Variants in DDX50 observed in about 807,000 individuals in gnomAD.
DDX50 encodes ATP-dependent RNA helicase DDX50.
DDX50 carries 56 observed loss-of-function variants against 94.8 expected under a neutral mutation model. That is an observed-to-expected ratio of 0.59 (90% CI 0.48 to 0.74). The LOEUF (loss-of-function observed/expected upper bound fraction) is 0.74. Among genes scored for constraint, DDX50 ranks in the 30% least tolerant of loss-of-function variants. The pLI, the probability that DDX50 is intolerant of heterozygous loss-of-function variation, is 0.00. For synonymous variants in DDX50, 264 were observed against 295.4 expected (o/e 0.89, Z 1.09); for missense variants, 713 against 881.2 (o/e 0.81, Z 2.42).
chr10:68,911,750 A>G (rs912101503), intron 4 of DDX50: 4 of 152,248 alleles, frequency 2.6e-5, no homozygotes, highest in African/African-American at 9.7e-5. Flanking sequence ...TGTGCTGCTG[A>G]AGTGAGCACA....
rs576110195 is a variant in DDX50, at chr10:68,935,168, G to A, written c.1521+250G>A. Among the ~76,000 whole-genome samples, 3 of 131,120 alleles carry A rather than the reference G, an allele frequency of 2.3e-5. No individual in the cohort carries two copies. In the South Asian group the frequency reaches 7.9e-4, roughly 35 times the overall value. The allele number at this position is 131,120 out of a possible 152,430, so 86.0% of individuals were successfully genotyped here. ...CTCTCTTCATACTAAAATCAGAAGTGCATTGTGATTTCAGTACTTCTTAGT... is the reference window on the plus strand; with the variant it reads ...CTCTCTTCATACTAAAATCAGAAGTACATTGTGATTTCAGTACTTCTTAGT... On this transcript the variant is annotated intron_variant, in intron 10 of 14. Transcript: ENST00000373585.
In DDX50 at chr10:68,934,475, AT is replaced by A; in HGVS notation, c.1401+121del. On this transcript the variant is annotated intron_variant, in intron 9 of 14. Coordinates refer to ENST00000373585, the MANE Select transcript of DDX50 (RefSeq NM_024045.2). This position sits in a 1 kb window ranked among gnomAD's most constrained non-coding sequence, Gnocchi z 4.0. Reference sequence around the variant, plus strand: ...ATGTCATCTCTTCTTGCTCTTAGCCATTTTTTGTTAGTGTGCTATTAAATTT... The same window carrying A: ...ATGTCATCTCTTCTTGCTCTTAGCCATTTTTGTTAGTGTGCTATTAAATTT... 3 of 1,401,382 alleles carry A rather than the reference AT, an allele frequency of 2.1e-6. No homozygotes were observed. Among genetic ancestry groups the A allele is most frequent in the Non-Finnish European group, 1.9e-6 (2 of 1,028,848 alleles). 86.8% of individuals were successfully genotyped at this position (1,401,382 alleles called of 1,614,324 possible). A position where few individuals can be genotyped will look rare whatever the true frequency, so the allele number is the denominator to read the frequency against.
At chr10:68,940,905 CTAA>C (rs1278119804) in intron 12 of DDX50, among the ~76,000 whole-genome samples, 152 bp from the exon 13 acceptor site, 9 of 152,156 alleles carry the variant, frequency 5.9e-5, no homozygotes, top group African/African-American at 1.7e-4. Context: ...CACTATTCTT[CTAA>C]TAATGTAGTT....
chr10:68,924,835 A>T (rs993255807), intron 8 of DDX50, among the ~76,000 whole-genome samples: 23 of 151,932 alleles, frequency 1.5e-4, no homozygotes, highest in African/African-American at 5.5e-4. Context: ...ATTGGCTGTT[A>T]ATTTAGAAAG....
chr10:68,905,185 GGGATTATAGGC>G, intron 1 of DDX50, among the ~76,000 whole-genome samples: 1 of 152,166 alleles, frequency 6.6e-6, no homozygotes, highest in Non-Finnish European at 1.5e-5. Context: ...CCAGAGTGCT[GGGATTATAGGC>G]GTGAACCACC....
rs1040258625 is a variant in DDX50, at chr10:68,934,558, G to A, written c.1401+198G>A. On this transcript the variant is annotated intron_variant, in intron 9 of 14. Transcript: ENST00000373585. This position sits in a 1 kb window ranked among gnomAD's most constrained non-coding sequence, Gnocchi z 4.0. ...CTCTATTGTTTGTATTTGAAGCATG[G>A]AGCAACAAAATCAGGCAGAGAATTA... is the stretch of plus-strand genomic sequence containing the variant. 5.3e-5 allele frequency among the ~76,000 whole-genome samples: 8 copies of A among 152,034 alleles called. No individual in the cohort carries two copies. Among genetic ancestry groups the A allele is most frequent in the Admixed American group, 4.6e-4 (7 of 15,264 alleles).
chr10:68,909,920 C>T (rs1311267050), intron 2 of DDX50, among the ~76,000 whole-genome samples: 1 of 152,158 alleles, frequency 6.6e-6, no homozygotes, highest in Admixed American at 6.5e-5. Context: ...CCTTGGCCTC[C>T]CAAAGTGCTG....
intron 7 of DDX50, among the ~76,000 whole-genome samples, chr10:68,917,515 A>G (rs1342158150): frequency 3.9e-5 from 6 of 152,064 alleles, no homozygotes; most frequent in Non-Finnish European, 7.4e-5. Context: ...TGTTTTGCTG[A>G]TTTGCATCCC....
intron 12 of DDX50, among the ~76,000 whole-genome samples, chr10:68,939,736 T>C (rs1842511832): frequency 6.6e-6 from 1 of 152,190 alleles, no homozygotes; most frequent in African/African-American, 2.4e-5. Flanking sequence ...CACTCTAAAA[T>C]AGCTTACTCC....
At chr10:68,940,011 A>G (rs564377858) in intron 12 of DDX50, among the ~76,000 whole-genome samples, 44 of 152,266 alleles carry the variant, frequency 2.9e-4, no homozygotes, top group African/African-American at 9.6e-4. Flanking sequence ...ATGCATCCCC[A>G]TATCTTCTTA....
chr10:68,936,474 G>A (rs190620757), intron 11 of DDX50, among the ~76,000 whole-genome samples: 2 of 97,456 alleles, frequency 2.1e-5, no homozygotes, highest in East Asian at 7.3e-4. Context: ...GGGCGACAGA[G>A]CAAGACTCTG....
At chr10:68,945,820 A>G (rs1168967485) in intron 14 of DDX50, among the ~76,000 whole-genome samples, 18 of 152,168 alleles carry the variant, frequency 1.2e-4, no homozygotes. Flanking sequence ...TTTGCTTGTC[A>G]GTATACCTGC....
chr10:68,910,938 G>T (rs1357146607), intron 3 of DDX50, 130 bp from the exon 4 acceptor site: 7 of 612,084 alleles, frequency 1.1e-5, no homozygotes, highest in Non-Finnish European at 1.6e-5. Context: ...TTTGTGGTAG[G>T]AATAACTGTG....
intron 8 of DDX50, among the ~76,000 whole-genome samples, chr10:68,922,857 G>A (rs1329088008): frequency 3.5e-5 from 5 of 142,420 alleles, no homozygotes; most frequent in African/African-American, 1.0e-4. Context: ...GTACAATCTC[G>A]GCTCACTGCA....
In DDX50 at chr10:68,901,434, T is replaced by C; in HGVS notation, c.50T>C (p.Leu17Ser). ...WGDIMELEAP[L>S]EESESQKKER... ...GACATTATGGAGCTGGAAGCACCCT[T>C]GGAGGAGTCCGAGAGCCAGAAGAAG... The change falls in exon 1 of 15, where the codon TTG becomes TCG. Residue 17 changes from leucine (L) to serine (S), a missense_variant. By Grantham distance (145) the Leu-to-Ser change is moderately radical. Transcript: ENST00000373585. The C allele has an allele frequency of 6.3e-7, 1 of 1,576,378 alleles. No homozygotes were observed. The highest frequency in any genetic ancestry group is 8.6e-7 in the Non-Finnish European group (1 of 1,161,644).
intron 2 of DDX50, 128 bp from the exon 3 acceptor site, chr10:68,910,179 C>A (rs568502960): frequency 7.5e-6 from 6 of 796,234 alleles, no homozygotes; most frequent in African/African-American, 3.6e-5. Flanking sequence ...AGAGTGGGAC[C>A]CTGTTTCAAA....
Position 68,913,550 on chromosome 10 carries a change from ATAT to A in DDX50, c.922_924del (p.Ile308del). 6.2e-7 allele frequency: 1 copy of A among 1,613,378 alleles called. No individual in the cohort carries two copies. The highest frequency in any genetic ancestry group is 1.1e-5 in the South Asian group (1 of 90,808). On this transcript the variant is annotated inframe_deletion, in exon 6 of 15. Coordinates refer to ENST00000373585, the MANE Select transcript of DDX50 (RefSeq NM_024045.2). ...TTAGGTTTCGCTGAACAAGTTGAAG[ATAT>A]TATTCATGAATCCTACAAAACTGGT...
At chr10:68,940,395 G>A (rs1159821503) in intron 12 of DDX50, among the ~76,000 whole-genome samples, 2 of 150,198 alleles carry the variant, frequency 1.3e-5, no homozygotes, top group Non-Finnish European at 3.0e-5. Context: ...AAAAAAAAAA[G>A]GTTAAAGAAA....
At position 68,930,553 on chromosome 10, in the gene DDX50, A is replaced by G. The variant is rs1230519626; in HGVS notation, c.1240-3646A>G. 1.2e-4 allele frequency among the ~76,000 whole-genome samples: 4 copies of G among 33,422 alleles called. No individual in the cohort carries two copies. The Admixed American group carries it at 1.3e-3, about 11-fold the overall frequency. 21.9% of individuals were successfully genotyped at this position (33,422 alleles called of 152,430 possible). A position where few individuals can be genotyped will look rare whatever the true frequency, so the allele number is the denominator to read the frequency against. ...TCATCAACTAATAGTTCTTGAATTC[A>G]GTTATGGTGTAGCCTCTAGCCTCTA... On this transcript the variant is annotated intron_variant, in intron 8 of 14. Coordinates refer to ENST00000373585, the MANE Select transcript of DDX50 (RefSeq NM_024045.2).
Sources: gnomAD v4.1 joint callset for allele counts (sites outside exome capture counted in the v4.1 genomes callset) on GRCh38, gnomAD v4.1.1 for gene constraint, Gnocchi (gnomAD v3.1) non-coding constraint, MANE v1.5 for transcripts, NCBI Gene and HGNC (gene_info 2026-07-23, HGNC 2026-07-21) for gene names.